ASH1L: variants seen among roughly 807,000 people sequenced by gnomAD.
The protein encoded by ASH1L is ASH1 like histone lysine methyltransferase.
In ASH1L, 23 loss-of-function variants were observed where a neutral mutation model predicts 269.0. The observed-to-expected ratio is 0.09, with a 90% CI of 0.06 to 0.12. ASH1L has a LOEUF of 0.12. ASH1L is among the 10% of genes least tolerant of loss of function. The pLI, the probability that ASH1L is intolerant of heterozygous loss-of-function variation, is 1.00. For missense variants in ASH1L, 2,912 were observed against 3,567.8 expected (o/e 0.82, Z 4.68); for synonymous variants, 1,187 against 1,253.5 (o/e 0.95, Z 1.12).
intron 3 of ASH1L, among the ~76,000 whole-genome samples, chr1:155,473,589 C>CGGG (rs1665285488): frequency 6.6e-6 from 1 of 151,178 alleles, no homozygotes; most frequent in African/African-American, 2.4e-5. Context: ...CTTGAACTCC[C>CGGG]GGGCTCAAGT....
intron 7 of ASH1L, among the ~76,000 whole-genome samples, chr1:155,387,036 C>T (rs7554397): frequency 0.02 from 3,091 of 151,316 alleles, 100 homozygotes; most frequent in African/African-American, 0.072. Flanking sequence ...TGGAGTGCAG[C>T]GATCTCAGCT....
intron 1 of ASH1L, among the ~76,000 whole-genome samples, chr1:155,529,312 T>C (rs1259451912): frequency 6.6e-6 from 1 of 152,022 alleles, no homozygotes; most frequent in African/African-American, 2.4e-5. Flanking sequence ...CCACCAATAG[T>C]GTATAAGCAC....
At chr1:155,509,281 C>T (rs1336626982) in intron 2 of ASH1L, among the ~76,000 whole-genome samples, 1 of 151,958 alleles carries the variant, frequency 6.6e-6, no homozygotes, top group Non-Finnish European at 1.5e-5. Context: ...AGGATGATCC[C>T]CAGGAGTTCA....
chr1:155,524,815 G>A (rs1043486049), intron 1 of ASH1L, among the ~76,000 whole-genome samples: 1 of 151,830 alleles, frequency 6.6e-6, no homozygotes, highest in African/African-American at 2.4e-5. Context: ...ACTCTAGCTT[G>A]GGCAACAGAA....
intron 5 of ASH1L, among the ~76,000 whole-genome samples, chr1:155,436,495 T>C (rs942471222): frequency 2.9e-5 from 4 of 139,308 alleles, no homozygotes; most frequent in Non-Finnish European, 6.2e-5. Flanking sequence ...CGTGGACTTT[T>C]TTTTTTTTTT....
At chr1:155,552,633 G>A (rs1001375376) in intron 1 of ASH1L, among the ~76,000 whole-genome samples, 12 of 152,058 alleles carry the variant, frequency 7.9e-5, no homozygotes, top group East Asian at 1.9e-4. Flanking sequence ...ACAACAGAGC[G>A]AGACCCTGAC....
chr1:155,402,801 A>G (rs1287410958), intron 6 of ASH1L, among the ~76,000 whole-genome samples: 3 of 149,676 alleles, frequency 2.0e-5, no homozygotes, highest in Non-Finnish European at 3.0e-5. Context: ...CAATCCTCCT[A>G]CCTTGGCCTC....
intron 1 of ASH1L, among the ~76,000 whole-genome samples, chr1:155,528,075 T>A (rs1405696007): frequency 6.6e-6 from 1 of 152,202 alleles, no homozygotes. Flanking sequence ...AGAGACTAGC[T>A]GAGACCTCTT....
At chr1:155,512,374 G>A (rs541170000) in intron 2 of ASH1L, among the ~76,000 whole-genome samples, 17 of 149,344 alleles carry the variant, frequency 1.1e-4, no homozygotes, top group East Asian at 6.2e-4. Context: ...CCGAGATCAC[G>A]CCACTGCATG....
At chr1:155,373,211 TA>T (rs1053052926) in intron 10 of ASH1L, among the ~76,000 whole-genome samples, 8 of 112,694 alleles carry the variant, frequency 7.1e-5, no homozygotes, top group African/African-American at 1.0e-4. Flanking sequence ...AGGCTCTGTC[TA>T]AAAAAAAAAC....
chr1:155,540,768 T>TAAC (rs145170771), intron 1 of ASH1L, among the ~76,000 whole-genome samples: 9 of 152,058 alleles, frequency 5.9e-5, no homozygotes, highest in East Asian at 5.8e-4. Flanking sequence ...GACCCTGTCT[T>TAAC]AACAACAACA....
rs1205881269 is a variant in ASH1L at position 155,482,012 on chromosome 1, A to G, written c.858T>C (p.Asp286=). ...CATTAAACACTGGCTTTTTCCCAGG[A>G]TCTTTAGTTACCAATCCAACTGCTG... The part of the protein sequence containing the change: ...ISTAVGLVTK[D]PGKKPVFNAA... The change falls in exon 3 of 28, where the codon GAT becomes GAC. Residue 286 remains aspartate (D), a synonymous_variant. Transcript: ENST00000392403. 1 of 1,613,904 alleles carries G rather than the reference A, an allele frequency of 6.2e-7. No homozygotes were observed. The highest frequency in any genetic ancestry group is 1.7e-5 in the Admixed American group (1 of 60,002).
At chr1:155,534,483 T>G (rs970860109) in intron 1 of ASH1L, among the ~76,000 whole-genome samples, 4 of 151,724 alleles carry the variant, frequency 2.6e-5, no homozygotes, top group Non-Finnish European at 4.4e-5. Flanking sequence ...GGTATGGTGG[T>G]ACCATTTGGA....
At chr1:155,364,517 GT>G (rs1405792152) in intron 12 of ASH1L, among the ~76,000 whole-genome samples, 1 of 152,146 alleles carries the variant, frequency 6.6e-6, no homozygotes. Flanking sequence ...TGGAGGGTAT[GT>G]AGTGGTTTTC....
chr1:155,399,724 G>T (rs1043592253), intron 6 of ASH1L, among the ~76,000 whole-genome samples: 9 of 151,440 alleles, frequency 5.9e-5, no homozygotes, highest in Admixed American at 5.9e-4. Context: ...TCTACAAAAG[G>T]AGAAAGAAAA....
intron 3 of ASH1L, among the ~76,000 whole-genome samples, chr1:155,468,981 G>GA (rs945238865): frequency 2.6e-5 from 4 of 151,978 alleles, no homozygotes; most frequent in African/African-American, 7.3e-5. Flanking sequence ...AAACACTGAG[G>GA]AAAAAATAGC....
chr1:155,512,000 C>T (rs923219361), intron 2 of ASH1L, among the ~76,000 whole-genome samples: 1 of 151,794 alleles, frequency 6.6e-6, no homozygotes, highest in South Asian at 2.1e-4. Flanking sequence ...TTAGTAGAGA[C>T]AGGGTTTCTC....
At chr1:155,454,237 T>A (rs1056454671) in intron 4 of ASH1L, among the ~76,000 whole-genome samples, 4 of 152,216 alleles carry the variant, frequency 2.6e-5, no homozygotes, top group African/African-American at 9.6e-5. Context: ...AAGAAAGCCA[T>A]GGGTTGAATG....
intron 2 of ASH1L, among the ~76,000 whole-genome samples, chr1:155,485,761 A>G (rs537864358): frequency 6.6e-6 from 1 of 152,330 alleles, no homozygotes; most frequent in South Asian, 2.1e-4. Context: ...TTAGCAATGA[A>G]CACCTCAAGA....
Sources: allele counts gnomAD v4.1 joint callset (sites outside exome capture counted in the v4.1 genomes callset), GRCh38; gene constraint gnomAD v4.1.1; transcripts MANE v1.5; gene names NCBI Gene and HGNC (gene_info 2026-07-23, HGNC 2026-07-21).